Variants in MLLT1 observed in about 807,000 individuals in gnomAD.
The protein encoded by MLLT1 is MLLT1 super elongation complex subunit.
A neutral mutation model predicts 55.1 loss-of-function variants in MLLT1; 11 were observed. The observed-to-expected ratio is 0.20, with a 90% CI of 0.13 to 0.33. MLLT1 has a LOEUF of 0.33. MLLT1 is among the 10% of genes least tolerant of loss of function. The pLI is 1.00. For synonymous variants in MLLT1, 323 were observed against 320.1 expected, an observed-to-expected ratio of 1.01 and a Z score of -0.10; for missense variants, 536 against 760.6, an observed-to-expected ratio of 0.70 and a Z score of 3.47.
Position 6,262,444 on chromosome 19 carries a change from CA to C in MLLT1, c.194-135del. 1 of 658,394 alleles carries C rather than the reference CA, an allele frequency of 1.5e-6. No homozygotes were observed. Among genetic ancestry groups the C allele is most frequent in the Non-Finnish European group, 2.6e-6 (1 of 381,596 alleles). 40.8% of individuals were successfully genotyped at this position (658,394 alleles called of 1,614,324 possible). ...GGCTGGCCTCTCGGGGGTGGCTTTT[CA>C]GGAGGTTAAGCCCCCGACAGGATTG... On this transcript the variant is annotated intron_variant, in intron 2 of 11. Transcript: ENST00000252674. The surrounding 1 kb of genome is among the most constrained non-coding windows in gnomAD (Gnocchi z 4.4).
At chr19:6,275,206 T>C (rs542339250) in intron 1 of MLLT1, among the ~76,000 whole-genome samples, 44 of 152,212 alleles carry the variant, frequency 2.9e-4, no homozygotes, top group Non-Finnish European at 5.4e-4. Context: ...CTCTGGGAAC[T>C]TGGACTTCGC....
At chr19:6,242,272 G>A (rs116059669) in intron 3 of MLLT1, among the ~76,000 whole-genome samples, 37 of 152,288 alleles carry the variant, frequency 2.4e-4, no homozygotes, top group African/African-American at 8.9e-4. Context: ...GGTGTCCTTG[G>A]AACCTCCCCT....
intron 4 of MLLT1, among the ~76,000 whole-genome samples, chr19:6,228,327 T>G (rs1296712646): frequency 6.6e-6 from 1 of 152,128 alleles, no homozygotes. Flanking sequence ...TTCTTTCCCC[T>G]CAAAACAATG....
intron 8 of MLLT1, among the ~76,000 whole-genome samples, chr19:6,214,714 T>C (rs4807849): frequency 0.53 from 80,856 of 152,032 alleles, 22,592 homozygotes; most frequent in African/African-American, 0.67. Flanking sequence ...GGTCCCGCTC[T>C]GCCAGGGATA....
intron 10 of MLLT1, 147 bp downstream of exon 10, chr19:6,213,579 C>T (rs370395830): frequency 3.0e-6 from 3 of 991,434 alleles, no homozygotes; most frequent in East Asian, 2.5e-5. Context: ...CAAGGCCACA[C>T]CGGGAGGGGA....
rs998389496 is a variant in MLLT1, at chr19:6,229,129, G to A, written c.420+1441C>T. ...ACAGCCACGCCACCACGGAACCTCC[G>A]GGGACGCCCAAAAACACCTACTGCA... On this transcript the variant is annotated intron_variant, in intron 4 of 11. Coordinates refer to ENST00000252674, the MANE Select transcript of MLLT1 (RefSeq NM_005934.4). This position sits in a 1 kb window ranked among gnomAD's most constrained non-coding sequence, Gnocchi z 5.2. Among the ~76,000 whole-genome samples, 3 of 151,924 alleles carry A rather than the reference G, an allele frequency of 2.0e-5. No homozygotes were observed. The highest frequency in any genetic ancestry group is 1.9e-4 in the East Asian group (1 of 5,152).
In MLLT1 at chr19:6,219,127, C is replaced by T. The variant is rs973769797; in HGVS notation, c.1111-1086G>A. 3.3e-5 allele frequency among the ~76,000 whole-genome samples: 5 copies of T among 152,094 alleles called. No homozygotes were observed. The highest frequency in any genetic ancestry group is 7.4e-5 in the Non-Finnish European group (5 of 67,992). On this transcript the variant is annotated intron_variant, in intron 6 of 11. Transcript: ENST00000252674. This position sits in a 1 kb window ranked among gnomAD's most constrained non-coding sequence, Gnocchi z 4.5. ...CCCTAGCATGTGGAGGAGACAGCCT[C>T]CACCCTGCAGAAGGGTCCCCACGAA...
chr19:6,220,498 G>A (rs994372008), intron 6 of MLLT1, among the ~76,000 whole-genome samples: 51 of 152,378 alleles, frequency 3.3e-4, no homozygotes, highest in Non-Finnish European at 1.8e-4. Context: ...AAGCAGCGGC[G>A]TCCGAGGTGG....
intron 2 of MLLT1, among the ~76,000 whole-genome samples, chr19:6,267,217 T>C (rs1489683327): frequency 6.6e-6 from 1 of 152,078 alleles, no homozygotes; most frequent in African/African-American, 2.4e-5. Flanking sequence ...TTCTCCTGCC[T>C]CAGCTTCCCG....
intron 7 of MLLT1, 71 bp from the exon 8 acceptor site, chr19:6,216,584 C>G: frequency 9.0e-7 from 1 of 1,116,314 alleles, no homozygotes; most frequent in Non-Finnish European, 1.3e-6. Flanking sequence ...GCCCCTCGCC[C>G]ATGAGGCCAC....
rs2091310505 is a variant in MLLT1 at position 6,262,098 on chromosome 19, C to T, written c.276+130G>A. ...AATGGAGATGGTGACCAGCACCCCCCGCAGCACTCACTGGAATGTCTGTGC... is the reference window on the plus strand; with the variant it reads ...AATGGAGATGGTGACCAGCACCCCCTGCAGCACTCACTGGAATGTCTGTGC... On this transcript the variant is annotated intron_variant, in intron 3 of 11. Coordinates refer to ENST00000252674, the MANE Select transcript of MLLT1 (RefSeq NM_005934.4). The surrounding 1 kb of genome is among the most constrained non-coding windows in gnomAD (Gnocchi z 4.4). 1.1e-5 allele frequency: 8 copies of T among 717,814 alleles called. No homozygotes were observed. Among genetic ancestry groups the T allele is most frequent in the South Asian group, 6.4e-5 (4 of 62,976 alleles). The allele number at this position is 717,814 out of a possible 1,614,324, so 44.5% of individuals were successfully genotyped here. A position where few individuals can be genotyped will look rare whatever the true frequency, so the allele number is the denominator to read the frequency against.
At chr19:6,242,554 T>C (rs188676009) in intron 3 of MLLT1, among the ~76,000 whole-genome samples, 4 of 152,290 alleles carry the variant, frequency 2.6e-5, no homozygotes, top group Non-Finnish European at 5.9e-5. Context: ...AACTTCTTTT[T>C]CACACTTGGC....
intron 3 of MLLT1, among the ~76,000 whole-genome samples, chr19:6,242,529 C>T (rs781014952): frequency 6.6e-6 from 1 of 152,162 alleles, no homozygotes; most frequent in African/African-American, 2.4e-5. Flanking sequence ...ATATTAGTGG[C>T]AAATAACCAA....
At chr19:6,216,353 G>T (rs897138455) in intron 8 of MLLT1, 52 bp downstream of exon 8, 26 of 1,344,110 alleles carry the variant, frequency 1.9e-5, no homozygotes, top group Non-Finnish European at 2.7e-5. Flanking sequence ...AGACCCAGCC[G>T]GAGTCGCCCC....
chr19:6,234,398 A>G (rs1043539537), intron 3 of MLLT1, among the ~76,000 whole-genome samples: 1 of 152,224 alleles, frequency 6.6e-6, no homozygotes, highest in Non-Finnish European at 1.5e-5. Context: ...CTATGGCGCA[A>G]AGGCACTTCT....
chr19:6,214,021 C>T lies in MLLT1; in HGVS notation c.1325G>A (p.Ser442Asn), dbSNP rs1010368786. The T allele has an allele frequency of 6.9e-7, 1 of 1,448,022 alleles. No individual in the cohort carries two copies. The highest frequency in any genetic ancestry group is 9.1e-7 in the Non-Finnish European group (1 of 1,102,068). 89.7% of individuals were successfully genotyped at this position (1,448,022 alleles called of 1,614,324 possible). A position where few individuals can be genotyped will look rare whatever the true frequency, so the allele number is the denominator to read the frequency against. The change falls in exon 9 of 12, where the codon AGC becomes AAC. Residue 442 changes from serine (S) to asparagine (N), a missense_variant. This residue lies in a region of MLLT1 where 449 missense variants were observed against 489.0 expected (regional missense o/e 0.92). Transcript: ENST00000252674. ...GRDSRLSFSDSESDNSADSSL... is the reference protein window; with the variant it reads ...GRDSRLSFSDNESDNSADSSL... ...GGAGTCGGCGCTGTTGTCACTCTCG[C>T]TGTCGCTGAAGCTCAACCTGAACCG... is the stretch of plus-strand genomic sequence containing the variant.
Position 6,265,039 on chromosome 19 carries a change from AAAAAAAAAAC to A in MLLT1, c.194-2739_194-2730del, listed in dbSNP as rs937471083. Among the ~76,000 whole-genome samples, 57 of 36,694 alleles carry A rather than the reference AAAAAAAAAAC, an allele frequency of 1.6e-3. 4 individuals are homozygous for A. In the East Asian group the frequency reaches 0.024, roughly 16 times the overall value. 24.1% of individuals were successfully genotyped at this position (36,694 alleles called of 152,430 possible). A position where few individuals can be genotyped will look rare whatever the true frequency, so the allele number is the denominator to read the frequency against. On this transcript the variant is annotated intron_variant, in intron 2 of 11. Transcript: ENST00000252674. The stretch of plus-strand genomic sequence containing the variant: ...AATGTCACAAAACATAGTGAACAGC[AAAAAAAAAAC>A]AAAAAAACAAAAAAACAAAAAAAAA...
chr19:6,254,250 A>G (rs1367450368), intron 3 of MLLT1, among the ~76,000 whole-genome samples: 3 of 152,228 alleles, frequency 2.0e-5, no homozygotes, highest in African/African-American at 7.2e-5. Context: ...AGGGGTTCCG[A>G]GAGCTTCCAG....
chr19:6,259,822 A>C (rs1172359357), intron 3 of MLLT1: 1 of 150,240 alleles, frequency 6.7e-6, no homozygotes, highest in Non-Finnish European at 1.5e-5. Context: ...AAAAAAAAAC[A>C]GAAAAACTGG....
Sources: gnomAD v4.1 joint callset for allele counts (sites outside exome capture counted in the v4.1 genomes callset) on GRCh38, gnomAD v4.1.1 for gene constraint, gnomAD v4.1.1 regional missense constraint, Gnocchi (gnomAD v3.1) non-coding constraint, MANE v1.5 for transcripts, NCBI Gene and HGNC (gene_info 2026-07-23, HGNC 2026-07-21) for gene names.